Variants in XKR9 observed in about 807,000 individuals in gnomAD.
XKR9 encodes the protein XK-related protein 9.
Under a neutral mutation model 32.0 loss-of-function variants are expected in XKR9, and 32 were observed. The ratio of observed to expected loss-of-function variants is 1.00; its 90% confidence interval spans 0.76 to 1.34. XKR9 has a LOEUF of 1.34. Among genes scored for constraint, XKR9 ranks in the 40% most tolerant of loss-of-function variants. XKR9 has a pLI of 0.00. For synonymous variants in XKR9, 168 were observed against 143.4 expected, an observed-to-expected ratio of 1.17 and a Z score of -1.22; for missense variants, 546 against 429.7, an observed-to-expected ratio of 1.27 and a Z score of -2.39.
chr8:70,812,122 C>A, the XKR9 span, among the ~76,000 whole-genome samples: 4 of 152,310 alleles, frequency 2.6e-5, no homozygotes, highest in African/African-American at 9.6e-5. Context: ...CCCTGGGATG[C>A]AAGGCTAGTT....
intron 4 of XKR9, among the ~76,000 whole-genome samples, chr8:70,724,863 C>T (rs758151092): frequency 7.2e-5 from 11 of 152,168 alleles, no homozygotes; most frequent in Non-Finnish European, 1.0e-4. Flanking sequence ...ATCTTTATAG[C>T]AGCACCCCAC....
the XKR9 span, among the ~76,000 whole-genome samples, chr8:70,900,355 C>T: frequency 6.6e-6 from 1 of 151,958 alleles, no homozygotes; most frequent in Admixed American, 6.6e-5. Flanking sequence ...TTTGGGAGGC[C>T]GAGGTGGGTC....
intron 3 of XKR9, among the ~76,000 whole-genome samples, chr8:70,687,420 A>T: frequency 6.7e-6 from 1 of 148,876 alleles, no homozygotes; most frequent in South Asian, 2.1e-4. Flanking sequence ...TCCTTTCTAA[A>T]TAGAGACAGG....
At chr8:70,946,146 A>G in the XKR9 span, among the ~76,000 whole-genome samples, 7 of 152,158 alleles carry the variant, frequency 4.6e-5, no homozygotes, top group African/African-American at 1.2e-4. Flanking sequence ...AAAAGAAAAA[A>G]GAAAAACAGA....
At chr8:70,812,749 C>A in the XKR9 span, among the ~76,000 whole-genome samples, 1 of 152,114 alleles carries the variant, frequency 6.6e-6, no homozygotes, top group Non-Finnish European at 1.5e-5. Flanking sequence ...TATGAAGGAC[C>A]TCTTCAAGGA....
chr8:70,976,510 G>T, the XKR9 span, among the ~76,000 whole-genome samples: 2 of 152,116 alleles, frequency 1.3e-5, no homozygotes, highest in Non-Finnish European at 2.9e-5. Context: ...TTCATGTGAT[G>T]GATTACGTTT....
intron 2 of XKR9, among the ~76,000 whole-genome samples, chr8:70,773,721 GC>G (rs1381754583): frequency 6.6e-6 from 1 of 152,136 alleles, no homozygotes; most frequent in African/African-American, 2.4e-5. Flanking sequence ...TCCTATGAAG[GC>G]AATGAATCAA....
At chr8:70,866,451 T>A in the XKR9 span, among the ~76,000 whole-genome samples, 7 of 152,144 alleles carry the variant, frequency 4.6e-5, no homozygotes, top group Non-Finnish European at 8.8e-5. Context: ...ATTTGGATTA[T>A]AATATGTAGG....
chr8:70,883,767 G>T, the XKR9 span, among the ~76,000 whole-genome samples: 1 of 152,036 alleles, frequency 6.6e-6, no homozygotes. Flanking sequence ...ACCATAGTTT[G>T]TTTTTCCATT....
At chr8:70,896,972 A>G in the XKR9 span, among the ~76,000 whole-genome samples, 23 of 152,102 alleles carry the variant, frequency 1.5e-4, no homozygotes, top group Middle Eastern at 6.8e-3. Flanking sequence ...ACTAAATCTT[A>G]TTCATTCTAA....
chr8:70,800,572 G>A, the XKR9 span, among the ~76,000 whole-genome samples: 1 of 152,036 alleles, frequency 6.6e-6, no homozygotes, highest in Admixed American at 6.6e-5. Flanking sequence ...TGAAACCTTT[G>A]CCTCCTGGGC....
the XKR9 span, among the ~76,000 whole-genome samples, chr8:70,854,309 G>T: frequency 6.6e-6 from 1 of 152,098 alleles, no homozygotes; most frequent in Non-Finnish European, 1.5e-5. Context: ...GTGCCTTTTG[G>T]CTGCATAAAT....
chr8:70,747,908 T>A (rs547224335), intron 2 of XKR9, among the ~76,000 whole-genome samples: 2 of 152,288 alleles, frequency 1.3e-5, no homozygotes, highest in African/African-American at 4.8e-5. Flanking sequence ...AATAATAATG[T>A]CTTCATGGAC....
the XKR9 span, among the ~76,000 whole-genome samples, chr8:70,905,568 C>A: frequency 6.6e-6 from 1 of 152,110 alleles, no homozygotes; most frequent in Admixed American, 6.5e-5. Context: ...GTTCAGACAT[C>A]CTCCTTTATT....
exon 4 of XKR9, chr8:70,790,320 TTAA>T (rs1277629378): frequency 6.6e-6 from 1 of 152,102 alleles, no homozygotes; most frequent in Non-Finnish European, 1.5e-5. Flanking sequence ...AAATGTGCCT[TTAA>T]AAGTATTGAA....
chr8:70,810,410 A>G, the XKR9 span, among the ~76,000 whole-genome samples: 29 of 152,238 alleles, frequency 1.9e-4, no homozygotes, highest in Admixed American at 1.6e-3. Context: ...AGCTAACATC[A>G]TAATGACAGT....
At chr8:70,679,560 G>A (rs776149435) in intron 2 of XKR9, among the ~76,000 whole-genome samples, 14 of 152,316 alleles carry the variant, frequency 9.2e-5, no homozygotes, top group Non-Finnish European at 1.8e-4. Context: ...TGACTACTGC[G>A]ATGAACAGGA....
At position 70,689,898 on chromosome 8, in the gene XKR9, T is replaced by C. The variant is rs769857484; in HGVS notation, c.272+8568T>C. Among the ~76,000 whole-genome samples the C allele has an allele frequency of 4.9e-4, 74 of 152,254 alleles. 1 individual carries two copies. The highest frequency in any genetic ancestry group is 8.2e-4 in the Non-Finnish European group (56 of 67,998). On this transcript the variant is annotated intron_variant, in intron 3 of 4. Coordinates refer to ENST00000408926, the MANE Select transcript of XKR9 (RefSeq NM_001011720.2). ...CATGAAACTAATAACTGAATTCCTG[T>C]GGCCATGGGGGAGGGTAAAAGCTGG... is the stretch of plus-strand genomic sequence containing the variant.
chr8:70,879,201 G>A, the XKR9 span, among the ~76,000 whole-genome samples: 1 of 152,174 alleles, frequency 6.6e-6, no homozygotes, highest in Admixed American at 6.6e-5. Flanking sequence ...CCAAGAGAAA[G>A]CAGGAAAGGT....
Sources: gnomAD v4.1 joint callset for allele counts (sites outside exome capture counted in the v4.1 genomes callset) on GRCh38, gnomAD v4.1.1 for gene constraint, MANE v1.5 for transcripts, NCBI Gene and HGNC (gene_info 2026-07-23, HGNC 2026-07-21) for gene names.